The following SCART1 variants were observed in gnomAD, a reference collection of about 807,000 sequenced individuals.
The protein encoded by SCART1 is scavenger receptor cysteine-rich domain-containing protein SCART1.
In SCART1, 62 loss-of-function variants were observed where a neutral mutation model predicts 36.2. That is an observed-to-expected ratio of 1.71 (90% CI 1.40 to 2.12). The LOEUF (loss-of-function observed/expected upper bound fraction) is 2.12. SCART1 is among the 30% of genes most tolerant of loss of function. The pLI is 0.00. For missense variants in SCART1, 1,041 were observed against 540.5 expected (o/e 1.93, Z -9.18); for synonymous variants, 487 against 238.7 (o/e 2.04, Z -9.59).
intron 9 of SCART1, 192 bp downstream of exon 9, chr10:133,465,757 TC>T: frequency 1.5e-6 from 1 of 666,512 alleles, no homozygotes; most frequent in Non-Finnish European, 2.7e-6. Context: ...CCCTGGGGTT[TC>T]CCCCTAATCT....
intron 2 of SCART1, among the ~76,000 whole-genome samples, chr10:133,456,799 C>CA (rs1290016633): frequency 1.3e-5 from 2 of 152,246 alleles, no homozygotes; most frequent in African/African-American, 2.4e-5. Flanking sequence ...AGGAAGGAAG[C>CA]AGAGTGCGGC....
At position 133,465,234 on chromosome 10, in the gene SCART1, C is replaced by T. The variant is rs1444053067; in HGVS notation, c.2345-17C>T. 5 of 699,498 alleles carry T rather than the reference C, an allele frequency of 7.1e-6. No homozygotes were observed. The highest frequency in any genetic ancestry group is 1.5e-5 in the South Asian group (1 of 67,416). 43.3% of individuals were successfully genotyped at this position (699,498 alleles called of 1,614,324 possible). A position where few individuals can be genotyped will look rare whatever the true frequency, so the allele number is the denominator to read the frequency against. On this transcript the variant is annotated splice_polypyrimidine_tract_variant and intron_variant, in intron 8 of 11. Coordinates refer to ENST00000640237, the Ensembl canonical transcript of SCART1. ...ATCCCGGTCCAGCCCCCGCAGTGAC[C>T]GCAGCCCCTTTTGCAGAGGAGGGCG...
rs777085403 is a variant in SCART1 at position 133,457,612 on chromosome 10, G to A, written c.682+37G>A. The A allele has an allele frequency of 1.4e-5, 9 of 646,968 alleles. No homozygotes were observed. In the South Asian group the frequency reaches 1.5e-4, roughly 11 times the overall value. 40.1% of individuals were successfully genotyped at this position (646,968 alleles called of 1,614,324 possible). A position where few individuals can be genotyped will look rare whatever the true frequency, so the allele number is the denominator to read the frequency against. On this transcript the variant is annotated intron_variant, in intron 3 of 11. Coordinates refer to ENST00000640237, the Ensembl canonical transcript of SCART1. ...ACCTGATGTTCCCAGTGACCCTTGG[G>A]ATGATGCTGGGCCCGGACCTGGGGA...
exon 6 of SCART1, chr10:133,459,846 A>G: frequency 1.8e-6 from 1 of 565,696 alleles, no homozygotes; most frequent in Non-Finnish European, 3.1e-6. Context: ...TCGCCACGGG[A>G]TCCCGGGCGC....
At chr10:133,461,722 T>C (rs1850704000) in intron 6 of SCART1, among the ~76,000 whole-genome samples, 1 of 152,206 alleles carries the variant, frequency 6.6e-6, no homozygotes, top group Non-Finnish European at 1.5e-5. Context: ...CCTAATGACA[T>C]GATGCTCTGC....
At position 133,458,665 on chromosome 10, in the gene SCART1, C is replaced by CTG. The variant is rs1467554685; in HGVS notation, c.979+16_979+17dup. 1.4e-6 allele frequency: 1 copy of CTG among 700,450 alleles called. No homozygotes were observed. The allele number at this position is 700,450 out of a possible 1,614,324, so 43.4% of individuals were successfully genotyped here. ...GGGGCTCAGGTGCTCAGGTGAAGTC[C>CTG]TGTGTGTGGGCTCTGAAGGCTCAGC... On this transcript the variant is annotated intron_variant, in intron 4 of 11. Transcript: ENST00000640237.
intron 6 of SCART1, among the ~76,000 whole-genome samples, chr10:133,463,640 T>C (rs958303779): frequency 7.2e-5 from 11 of 152,046 alleles, no homozygotes; most frequent in Admixed American, 2.6e-4. Context: ...TTCCTTCTTA[T>C]TTGAGGCTGA....
At chr10:133,467,164 G>A in intron 10 of SCART1, 34 bp from the exon 11 acceptor site, 1 of 660,648 alleles carries the variant, frequency 1.5e-6, no homozygotes, top group Non-Finnish European at 2.8e-6. Context: ...TCCACACTGA[G>A]GGCCTGTGTG....
intron 1 of SCART1, among the ~76,000 whole-genome samples, 192 bp downstream of exon 1, chr10:133,454,256 C>T (rs1850582125): frequency 1.3e-5 from 2 of 152,116 alleles, no homozygotes; most frequent in African/African-American, 4.8e-5. Flanking sequence ...ACCTCAGGGC[C>T]CCCAGACCCT....
chr10:133,465,281 A>G, exon 9 of SCART1: 1 of 687,380 alleles, frequency 1.5e-6, no homozygotes. Context: ...CGCGGGGGCG[A>G]GGACCGCTGC....
chr10:133,459,249 A>C lies in SCART1; in HGVS notation c.1208A>C (p.Tyr403Ser), dbSNP rs766453365. The change falls in exon 5 of 12, where the codon TAC becomes TCC. Residue 403 changes from tyrosine to serine, a missense_variant. Physicochemically the swap from Tyr to Ser is moderately radical, Grantham distance 144. Transcript: ENST00000640237. Reference sequence around the variant, plus strand: ...TTTCACTGTGAGGGGACAGAGTCCTACTTGTGGAATTGCCCAGTAAGCACC... The same window carrying C: ...TTTCACTGTGAGGGGACAGAGTCCTCCTTGTGGAATTGCCCAGTAAGCACC... 3.3e-4 allele frequency: 225 copies of C among 685,562 alleles called. 1 individual carries two copies. The highest frequency in any genetic ancestry group is 5.6e-4 in the Non-Finnish European group (211 of 374,846). 42.5% of individuals were successfully genotyped at this position (685,562 alleles called of 1,614,324 possible).
chr10:133,465,760 C>A (rs1234798336), intron 9 of SCART1, 195 bp downstream of exon 9: 2 of 671,260 alleles, frequency 3.0e-6, no homozygotes, highest in African/African-American at 3.5e-5. Context: ...TGGGGTTTCC[C>A]CCTAATCTTT....
intron 6 of SCART1, among the ~76,000 whole-genome samples, chr10:133,462,570 T>C (rs950831450): frequency 5.3e-5 from 8 of 152,214 alleles, no homozygotes. Context: ...TAACCAGCCC[T>C]GCCACAGGCA....
chr10:133,468,643 G>A (rs1369905261), exon 12 of SCART1: 1 of 152,138 alleles, frequency 6.6e-6, no homozygotes, highest in African/African-American at 2.4e-5. Flanking sequence ...TCAGATCAAG[G>A]AAAGCCCAGT....
intron 6 of SCART1, among the ~76,000 whole-genome samples, chr10:133,463,001 A>T (rs540619215): frequency 6.6e-6 from 1 of 152,194 alleles, no homozygotes; most frequent in Non-Finnish European, 1.5e-5. Flanking sequence ...ATCAGATGCA[A>T]TTCATACCCA....
rs114574316 is a variant in SCART1 at position 133,467,828 on chromosome 10, G to A, written c.2963-19G>A. On this transcript the variant is annotated intron_variant, in intron 11 of 11. Transcript: ENST00000640237. ...CTTGCACGTGTGCTGATTTGGTCACGCGGTGTCTCTTGCGCCAGTTTCAGG... is the reference window on the plus strand; with the variant it reads ...CTTGCACGTGTGCTGATTTGGTCACACGGTGTCTCTTGCGCCAGTTTCAGG... The A allele has an allele frequency of 4.7e-3, 3,089 of 662,154 alleles. 70 individuals are homozygous for A. The African/African-American group carries it at 0.047, about 10-fold the overall frequency. 41.0% of individuals were successfully genotyped at this position (662,154 alleles called of 1,614,324 possible). A position where few individuals can be genotyped will look rare whatever the true frequency, so the allele number is the denominator to read the frequency against.
In SCART1 at chr10:133,455,637, C is replaced by T. The variant is rs367889116; in HGVS notation, c.68-600C>T. On this transcript the variant is annotated intron_variant, in intron 1 of 11. Transcript: ENST00000640237. Reference sequence around the variant, plus strand: ...TGGAGAGGGTGGTTAGGGGTGCCTCCGTGGCGGGTGGGAGAGAAGGTGCTG... The same window carrying T: ...TGGAGAGGGTGGTTAGGGGTGCCTCTGTGGCGGGTGGGAGAGAAGGTGCTG... 5.5e-4 allele frequency among the ~76,000 whole-genome samples: 84 copies of T among 152,002 alleles called. 1 individual carries two copies. The highest frequency in any genetic ancestry group is 1.7e-3 in the African/African-American group (71 of 41,448).
intron 3 of SCART1, chr10:133,457,991 G>A (rs1300543701): frequency 1.9e-6 from 1 of 529,790 alleles, no homozygotes; most frequent in Non-Finnish European, 3.4e-6. Flanking sequence ...AAATGAGGTG[G>A]ATAGTCTGCC....
chr10:133,468,246 G>T, exon 12 of SCART1: 1 of 282,638 alleles, frequency 3.5e-6, no homozygotes, highest in Non-Finnish European at 6.5e-6. Context: ...TTCCATTTGT[G>T]GTTTAGAGAC....
Sources: allele counts gnomAD v4.1 joint callset (sites outside exome capture counted in the v4.1 genomes callset), GRCh38; gene constraint gnomAD v4.1.1; transcripts MANE v1.5; gene names NCBI Gene and HGNC (gene_info 2026-07-23, HGNC 2026-07-21).